The following ACSM2B variants were observed in gnomAD, a reference collection of about 807,000 sequenced individuals.
ACSM2B encodes acyl-coenzyme A synthetase ACSM2B, mitochondrial.
A neutral mutation model predicts 78.6 loss-of-function variants in ACSM2B; 58 were observed. The ratio of observed to expected loss-of-function variants is 0.74; its 90% CI spans 0.60 to 0.92. The LOEUF (loss-of-function observed/expected upper bound fraction) is 0.92, where lower values mean the gene tolerates loss of function less well. Ranked by LOEUF, ACSM2B falls within the 40% of genes least tolerant of loss-of-function variation. The probability of loss-of-function intolerance (pLI) is 0.00; values close to 1 mark genes in which losing one functional copy is unlikely to be tolerated. For missense variants in ACSM2B, 688 were observed against 711.2 expected (o/e 0.97, Z 0.37); for synonymous variants, 257 against 256.8 (o/e 1.00, Z -0.01).
chr16:20,553,640 C>T, intron 5 of ACSM2B, 137 bp downstream of exon 5: 1 of 1,375,932 alleles, frequency 7.3e-7, no homozygotes, highest in Non-Finnish European at 9.8e-7. Flanking sequence ...AAGCCATGTC[C>T]TCTTTAGCTT....
intron 3 of ACSM2B, 26 bp downstream of exon 3, chr16:20,559,211 C>A: frequency 1.9e-6 from 3 of 1,541,356 alleles, no homozygotes; most frequent in African/African-American, 1.4e-5. Flanking sequence ...GAAGACAGTT[C>A]TCTGTCCAGG....
At chr16:20,556,188 C>T (rs575195073) in intron 3 of ACSM2B, among the ~76,000 whole-genome samples, 3 of 152,140 alleles carry the variant, frequency 2.0e-5, no homozygotes, top group Admixed American at 2.0e-4. Context: ...TACAATTTAT[C>T]TTAAAAAATT....
intron 7 of ACSM2B, 89 bp from the exon 8 acceptor site, chr16:20,548,274 T>C: frequency 1.2e-6 from 2 of 1,608,574 alleles, no homozygotes; most frequent in Non-Finnish European, 1.7e-6. Flanking sequence ...GCTTTGATGA[T>C]GCAAATGGCT....
intron 13 of ACSM2B, among the ~76,000 whole-genome samples, chr16:20,540,248 T>TC (rs2014950291): frequency 7.7e-6 from 1 of 129,334 alleles, no homozygotes; most frequent in South Asian, 2.3e-4. Context: ...TTTGTTTGTT[T>TC]GGTTTTTTTT....
At chr16:20,556,786 G>A (rs1445654204) in intron 3 of ACSM2B, among the ~76,000 whole-genome samples, 1 of 152,056 alleles carries the variant, frequency 6.6e-6, no homozygotes, top group South Asian at 2.1e-4. Flanking sequence ...TACCATGGTG[G>A]TCAATTGAGA....
chr16:20,553,203 G>T (rs1299901570), intron 5 of ACSM2B, among the ~76,000 whole-genome samples: 2 of 152,050 alleles, frequency 1.3e-5, no homozygotes. Context: ...AACATGGAAG[G>T]TGGGATCTAC....
chr16:20,572,857 AATTC>A, intron 1 of ACSM2B, among the ~76,000 whole-genome samples: 1 of 151,516 alleles, frequency 6.6e-6, no homozygotes, highest in East Asian at 1.9e-4. Flanking sequence ...CTGCTTGTTC[AATTC>A]TATTGTTGAG....
At chr16:20,545,301 A>G in intron 9 of ACSM2B, 43 bp from the exon 10 acceptor site, 1 of 1,590,574 alleles carries the variant, frequency 6.3e-7, no homozygotes, top group Non-Finnish European at 8.6e-7. Context: ...ACACAGCAGG[A>G]GATGGCTTCA....
chr16:20,545,431 C>G lies in ACSM2B; in HGVS notation c.1180-173G>C, dbSNP rs374988286. Among the ~76,000 whole-genome samples, 176 of 152,252 alleles carry G rather than the reference C, an allele frequency of 1.2e-3. 5 individuals are homozygous for G. The South Asian group carries it at 0.035, about 31-fold the overall frequency. On this transcript the variant is annotated intron_variant, in intron 9 of 13. Coordinates refer to ENST00000329697, the MANE Select transcript of ACSM2B (RefSeq NM_001105069.2). ...GTCTTAAACTCAGATCTCTGATCCACCTGCCTGGAATAGTTTAGGTGAATC... is the reference window on the plus strand; with the variant it reads ...GTCTTAAACTCAGATCTCTGATCCAGCTGCCTGGAATAGTTTAGGTGAATC...
intron 3 of ACSM2B, among the ~76,000 whole-genome samples, chr16:20,556,474 C>T (rs561343240): frequency 4.7e-4 from 71 of 152,192 alleles, no homozygotes; most frequent in Non-Finnish European, 8.1e-4. Context: ...TGGTGGCACA[C>T]GCCTGTAATC....
chr16:20,566,718 G>GTATATATAGTA (rs1555459397), intron 1 of ACSM2B, among the ~76,000 whole-genome samples: 1 of 5,014 alleles, frequency 2.0e-4, no homozygotes, highest in African/African-American at 7.3e-4. Context: ...AGTATATATA[G>GTATATATAGTA]TATATACTAT....
intron 4 of ACSM2B, among the ~76,000 whole-genome samples, chr16:20,554,515 C>T (rs1334562080): frequency 3.3e-5 from 5 of 152,170 alleles, no homozygotes; most frequent in African/African-American, 1.2e-4. Context: ...GAAGTTTTCC[C>T]TTCAAGTTTC....
Position 20,566,640 on chromosome 16 carries a change from A to AC in ACSM2B, c.-8-1788_-8-1787insG, listed in dbSNP as rs1555459346. On this transcript the variant is annotated intron_variant, in intron 1 of 13. Transcript: ENST00000329697. ...AGTATATATACTATATATAGTATAT[A>AC]TATACTATACTATATATATGTATAT... is the stretch of plus-strand genomic sequence containing the variant. Among the ~76,000 whole-genome samples the AC allele has an allele frequency of 6.6e-3, 141 of 21,364 alleles. 3 individuals carry two copies. The highest frequency in any genetic ancestry group is 0.04 in the African/African-American group (134 of 3,374). 14.0% of individuals were successfully genotyped at this position (21,364 alleles called of 152,430 possible).
intron 8 of ACSM2B, chr16:20,547,365 C>A (rs1268822098): frequency 1.0e-6 from 1 of 985,216 alleles, no homozygotes; most frequent in African/African-American, 1.7e-5. Flanking sequence ...GCCATCAACA[C>A]TCTGCAAAAG....
chr16:20,549,238 T>C (rs1343250004), intron 6 of ACSM2B, among the ~76,000 whole-genome samples: 1 of 152,176 alleles, frequency 6.6e-6, no homozygotes, highest in Non-Finnish European at 1.5e-5. Context: ...GAGTATTGTC[T>C]TAATCTGTTT....
At chr16:20,560,086 A>T (rs2015605935) in intron 2 of ACSM2B, among the ~76,000 whole-genome samples, 2 of 150,878 alleles carry the variant, frequency 1.3e-5, no homozygotes, top group Admixed American at 1.3e-4. Flanking sequence ...TCTCATTGTT[A>T]TGCAACAATC....
chr16:20,540,705 C>G lies in ACSM2B; in HGVS notation c.1578G>C (p.Glu526Asp). 6.2e-7 allele frequency: 1 copy of G among 1,614,158 alleles called. No individual in the cohort carries two copies. Among genetic ancestry groups the G allele is most frequent in the Non-Finnish European group, 8.5e-7 (1 of 1,180,014 alleles). Reference protein sequence around the residue: ...LSHDPEQLTKELQQHVKSVTA... With the variant: ...LSHDPEQLTKDLQQHVKSVTA... ...TCACTGACTTCACATGCTGCTGCAGCTCCTTGGTGAGCTGTTCTGGGTCAT... is the reference window on the plus strand; with the variant it reads ...TCACTGACTTCACATGCTGCTGCAGGTCCTTGGTGAGCTGTTCTGGGTCAT... The change falls in exon 13 of 14, where the codon GAG (glutamate) becomes GAC (aspartate). Residue 526 changes from glutamate (E) to aspartate (D), a missense_variant. Physicochemically the swap from Glu to Asp is conservative, Grantham distance 45. Coordinates refer to ENST00000329697, the MANE Select transcript of ACSM2B (RefSeq NM_001105069.2).
intron 1 of ACSM2B, among the ~76,000 whole-genome samples, chr16:20,567,174 A>G (rs1242908574): frequency 7.5e-6 from 1 of 133,842 alleles, no homozygotes; most frequent in East Asian, 2.1e-4. Flanking sequence ...TATTATATAT[A>G]ATACTATTAT....
At chr16:20,566,899 T>A (rs1235149312) in intron 1 of ACSM2B, among the ~76,000 whole-genome samples, 1 of 129,222 alleles carries the variant, frequency 7.7e-6, no homozygotes, top group Non-Finnish European at 1.6e-5. Context: ...TGATACACAT[T>A]ATATATAATA....
Sources: allele counts gnomAD v4.1 joint callset (sites outside exome capture counted in the v4.1 genomes callset), GRCh38; gene constraint gnomAD v4.1.1; transcripts MANE v1.5; gene names NCBI Gene and HGNC (gene_info 2026-07-23, HGNC 2026-07-21).